Variants in GULP1 observed in about 807,000 individuals in gnomAD.
GULP1 encodes PTB domain-containing engulfment adapter protein 1.
In GULP1, 19 loss-of-function variants were observed where a neutral mutation model predicts 40.9. That is an observed-to-expected ratio of 0.46 (90% CI 0.32 to 0.68). The LOEUF (loss-of-function observed/expected upper bound fraction) is 0.68. Among genes scored for constraint, GULP1 ranks in the 30% least tolerant of loss-of-function variants. GULP1 has a pLI of 0.03. For synonymous variants in GULP1, 119 were observed against 117.6 expected, an observed-to-expected ratio of 1.01 and a Z score of -0.08; for missense variants, 312 against 362.2, an observed-to-expected ratio of 0.86 and a Z score of 1.12.
Position 188,498,597 on chromosome 2 carries a change from T to C in GULP1, c.90+15105T>C, listed in dbSNP as rs188840100. On this transcript the variant is annotated intron_variant, in intron 4 of 11. Coordinates refer to ENST00000409830, the MANE Select transcript of GULP1 (RefSeq NM_016315.4). ...CTTATGTTAGAACAAATTATTGTTT[T>C]CAAGTTTCACTATCCTCAAAGGAAA... is the stretch of plus-strand genomic sequence containing the variant. Among the ~76,000 whole-genome samples the C allele has an allele frequency of 4.5e-3, 687 of 152,010 alleles. 8 individuals carry two copies. Among genetic ancestry groups the C allele is most frequent in the African/African-American group, 0.016 (661 of 41,526 alleles).
At chr2:188,435,212 A>AAGGT (rs1447423588) in intron 2 of GULP1, among the ~76,000 whole-genome samples, 1 of 152,032 alleles carries the variant, frequency 6.6e-6, no homozygotes. Flanking sequence ...TTAGTCCTGA[A>AAGGT]AGGTAGCTTT....
intron 10 of GULP1, among the ~76,000 whole-genome samples, chr2:188,585,888 C>A (rs1173228044): frequency 6.6e-6 from 1 of 152,178 alleles, no homozygotes; most frequent in Non-Finnish European, 1.5e-5. Flanking sequence ...AATGGGTTTT[C>A]TTTTTCTACC....
rs960156839 is a variant in GULP1 at position 188,594,556 on chromosome 2, C to G, written c.*545C>G. 2 of 151,704 alleles carry G rather than the reference C, an allele frequency of 1.3e-5. No individual in the cohort carries two copies. The highest frequency in any genetic ancestry group is 2.4e-5 in the African/African-American group (1 of 41,356). 9.4% of individuals were successfully genotyped at this position (151,704 alleles called of 1,614,324 possible). The stretch of plus-strand genomic sequence containing the variant: ...CATAATGCCACAAGGTCACTAATTT[C>G]TAGCAGGTAAAATTATAAGGATATA... On this transcript the variant is annotated 3_prime_UTR_variant, in exon 12 of 12. Transcript: ENST00000409830.
chr2:188,570,708 T>A (rs1202934327), intron 9 of GULP1, among the ~76,000 whole-genome samples: 1 of 152,216 alleles, frequency 6.6e-6, no homozygotes, highest in Non-Finnish European at 1.5e-5. Flanking sequence ...CATTATTACA[T>A]GATTTTGGCA....
At chr2:188,490,424 G>T (rs556244319) in intron 4 of GULP1, among the ~76,000 whole-genome samples, 1 of 152,210 alleles carries the variant, frequency 6.6e-6, no homozygotes, top group East Asian at 1.9e-4. Flanking sequence ...TGTATATGTT[G>T]TATGTGAAAT....
At chr2:188,397,424 C>T (rs552398845) in intron 2 of GULP1, among the ~76,000 whole-genome samples, 7 of 152,244 alleles carry the variant, frequency 4.6e-5, no homozygotes, top group Admixed American at 2.6e-4. Flanking sequence ...GTCTACTATA[C>T]CCTGAGACGA....
At chr2:188,515,779 C>T (rs1289099503) in intron 4 of GULP1, among the ~76,000 whole-genome samples, 1 of 152,030 alleles carries the variant, frequency 6.6e-6, no homozygotes. Flanking sequence ...TTTACCTGAT[C>T]GCTACCCAGC....
intron 1 of GULP1, among the ~76,000 whole-genome samples, chr2:188,337,532 A>G (rs1306065224): frequency 6.6e-6 from 1 of 151,222 alleles, no homozygotes; most frequent in Non-Finnish European, 1.5e-5. Flanking sequence ...ACTGGAAATT[A>G]GTGACAAAAA....
intron 2 of GULP1, among the ~76,000 whole-genome samples, chr2:188,400,111 T>TC: frequency 6.6e-6 from 1 of 152,290 alleles, no homozygotes; most frequent in South Asian, 2.1e-4. Context: ...GGGGTCACTG[T>TC]CCCTCCAAAG....
intron 2 of GULP1, among the ~76,000 whole-genome samples, chr2:188,385,445 C>T (rs369005445): frequency 6.6e-5 from 10 of 152,058 alleles, no homozygotes; most frequent in Middle Eastern, 3.4e-3. Context: ...CCTAAACCTC[C>T]GGGGTTGCCA....
chr2:188,353,568 G>A (rs957938127), intron 1 of GULP1, among the ~76,000 whole-genome samples: 17 of 152,002 alleles, frequency 1.1e-4, no homozygotes, highest in Admixed American at 6.6e-4. Flanking sequence ...AGCTCAGGTA[G>A]CACCGTACAT....
intron 2 of GULP1, among the ~76,000 whole-genome samples, chr2:188,434,253 T>G (rs2057190967): frequency 6.6e-6 from 1 of 151,944 alleles, no homozygotes; most frequent in Non-Finnish European, 1.5e-5. Context: ...AAACTTTGAT[T>G]ACAGTCTATT....
intron 9 of GULP1, among the ~76,000 whole-genome samples, chr2:188,576,752 C>T (rs562847634): frequency 2.0e-5 from 3 of 152,058 alleles, no homozygotes; most frequent in African/African-American, 7.2e-5. Flanking sequence ...TTATTTTATA[C>T]AGTCACTTAG....
intron 2 of GULP1, among the ~76,000 whole-genome samples, chr2:188,436,677 G>C (rs935133047): frequency 1.3e-5 from 2 of 151,904 alleles, no homozygotes; most frequent in African/African-American, 4.8e-5. Context: ...TATATTTTCA[G>C]CTATATTTCA....
At chr2:188,317,039 C>T (rs774828037) in intron 1 of GULP1, among the ~76,000 whole-genome samples, 2 of 152,164 alleles carry the variant, frequency 1.3e-5, no homozygotes, top group Non-Finnish European at 2.9e-5. Flanking sequence ...CACACCTGCA[C>T]TTAACCCTTC....
At position 188,292,678 on chromosome 2, in the gene GULP1, T is replaced by G. The variant is rs1330895938; in HGVS notation, c.-172+512T>G. On this transcript the variant is annotated intron_variant, in intron 1 of 11. Transcript: ENST00000409830. The surrounding 1 kb of genome is among the most constrained non-coding windows in gnomAD (Gnocchi z 4.0). ...ACTTCCAGGGCAGCCTCCCTTTTGT[T>G]GGCGCTGGGAGAGAATGTGGGCATG... The G allele has an allele frequency of 2.6e-5, 4 of 152,530 alleles. No homozygotes were observed. Among genetic ancestry groups the G allele is most frequent in the African/African-American group, 9.7e-5 (4 of 41,370 alleles). The allele number at this position is 152,530 out of a possible 1,614,324, so 9.4% of individuals were successfully genotyped here.
chr2:188,295,184 C>G (rs1226994589), intron 1 of GULP1, among the ~76,000 whole-genome samples: 1 of 152,152 alleles, frequency 6.6e-6, no homozygotes, highest in Non-Finnish European at 1.5e-5. Context: ...CAGAACTTGG[C>G]TCTCTTCTCA....
chr2:188,409,627 A>G (rs984124368), intron 2 of GULP1, among the ~76,000 whole-genome samples: 2 of 152,164 alleles, frequency 1.3e-5, no homozygotes, highest in Non-Finnish European at 2.9e-5. Context: ...CATTACCTCA[A>G]TACCAAAGCC....
At chr2:188,586,864 TTC>T (rs1363308163) in intron 10 of GULP1, among the ~76,000 whole-genome samples, 4 of 151,896 alleles carry the variant, frequency 2.6e-5, no homozygotes, top group Non-Finnish European at 2.9e-5. Context: ...TAAATATTAT[TTC>T]TTTTTTAATT....
Sources: gnomAD v4.1 joint callset for allele counts (sites outside exome capture counted in the v4.1 genomes callset) on GRCh38, gnomAD v4.1.1 for gene constraint, Gnocchi (gnomAD v3.1) non-coding constraint, MANE v1.5 for transcripts, NCBI Gene and HGNC (gene_info 2026-07-23, HGNC 2026-07-21) for gene names.